Variants in SMARCA2 observed in about 807,000 individuals in gnomAD.
SMARCA2 encodes SWI/SNF-related matrix-associated actin-dependent regulator of chromatin subfamily A member 2.
Under a neutral mutation model 199.8 loss-of-function variants are expected in SMARCA2, and 61 were observed. The ratio of observed to expected loss-of-function variants is 0.31; its 90% CI spans 0.25 to 0.38. The LOEUF (loss-of-function observed/expected upper bound fraction) is 0.38. SMARCA2 is among the 10% of genes least tolerant of loss of function. The probability of loss-of-function intolerance (pLI) is 1.00; values close to 1 mark genes in which losing one functional copy is unlikely to be tolerated. For synonymous variants in SMARCA2, 935 were observed against 732.0 expected, an observed-to-expected ratio of 1.28 and a Z score of -4.48; for missense variants, 1,344 against 2,012.2, an observed-to-expected ratio of 0.67 and a Z score of 6.35.
rs80164786 is a variant in SMARCA2, at chr9:2,132,207, A to G, written c.3981+8270A>G. ...TAAAGAACAAGACATTTGAAATTCT[A>G]TGGAAATACACAATGATAAATAAAA... On this transcript the variant is annotated intron_variant, in intron 27 of 33. Transcript: ENST00000349721. 2.6e-3 allele frequency among the ~76,000 whole-genome samples: 393 copies of G among 152,332 alleles called. 9 individuals carry two copies. In the East Asian group the frequency reaches 0.063, roughly 24 times the overall value.
intron 33 of SMARCA2, 90 bp downstream of exon 33, chr9:2,191,498 C>G (rs982003386): frequency 7.3e-7 from 1 of 1,374,018 alleles, no homozygotes; most frequent in African/African-American, 1.4e-5. Flanking sequence ...AGCCTTTTCG[C>G]TTTATTACCC....
chr9:2,027,502 C>T (rs1316948739), intron 1 of SMARCA2, among the ~76,000 whole-genome samples: 3 of 152,014 alleles, frequency 2.0e-5, no homozygotes, highest in Non-Finnish European at 4.4e-5. Flanking sequence ...ATAGTTGGCC[C>T]TTGAAATTTA....
At chr9:2,071,249 A>AG (rs1821074207) in intron 10 of SMARCA2, among the ~76,000 whole-genome samples, 1 of 152,228 alleles carries the variant, frequency 6.6e-6, no homozygotes, top group Non-Finnish European at 1.5e-5. Flanking sequence ...GTGGAGATGC[A>AG]GAAAAAAAAG....
At chr9:2,090,333 G>T (rs1821998181) in intron 19 of SMARCA2, among the ~76,000 whole-genome samples, 1 of 152,032 alleles carries the variant, frequency 6.6e-6, no homozygotes, top group South Asian at 2.1e-4. Flanking sequence ...CTCAGTGTGT[G>T]GTATTATCTA....
chr9:2,061,149 G>A, intron 9 of SMARCA2, 163 bp downstream of exon 9: 2 of 633,440 alleles, frequency 3.2e-6, no homozygotes, highest in South Asian at 2.0e-5. Flanking sequence ...GTGTTGATTA[G>A]GTACACTAGA....
intron 9 of SMARCA2, among the ~76,000 whole-genome samples, chr9:2,064,924 C>G (rs1373584869): frequency 6.6e-6 from 1 of 152,244 alleles, no homozygotes; most frequent in Non-Finnish European, 1.5e-5. Flanking sequence ...GCGGCTCACG[C>G]CTGTAATCCC....
At chr9:2,148,826 G>T (rs1035753609) in intron 27 of SMARCA2, among the ~76,000 whole-genome samples, 4 of 151,262 alleles carry the variant, frequency 2.6e-5, no homozygotes, top group Non-Finnish European at 4.4e-5. Flanking sequence ...TATAGATCTT[G>T]CCATTGCCCA....
rs1414940091 is a variant in SMARCA2, at chr9:2,029,237, A to C, written c.215A>C (p.Gln72Pro). ...STDFPQEGMH[Q>P]MHKPIDGIHD... ...GACTTCCCACAGGAAGGCATGCATC[A>C]AATGCATAAGGTAAGAGTTTGTTCT... The change falls in exon 2 of 34, where the codon CAA becomes CCA. Residue 72 changes from glutamine to proline, a missense_variant. This residue lies in a region of SMARCA2 where 275 missense variants were observed against 247.5 expected (regional missense o/e 1.11). Coordinates refer to ENST00000349721, the MANE Select transcript of SMARCA2 (RefSeq NM_003070.5). The C allele has an allele frequency of 1.9e-6, 3 of 1,610,862 alleles. No homozygotes were observed. The highest frequency in any genetic ancestry group is 1.7e-6 in the Non-Finnish European group (2 of 1,178,330).
intron 27 of SMARCA2, among the ~76,000 whole-genome samples, chr9:2,142,773 T>C (rs1248610724): frequency 1.3e-5 from 2 of 152,186 alleles, no homozygotes; most frequent in East Asian, 3.9e-4. Context: ...TTTTATTCAC[T>C]GTGTAGTTGT....
chr9:2,054,531 A>C (rs1431679724), intron 5 of SMARCA2, 66 bp from the exon 6 acceptor site: 3 of 1,565,132 alleles, frequency 1.9e-6, no homozygotes, highest in Admixed American at 1.8e-5. Context: ...ATTGTTTATC[A>C]TTTAAGATTA....
intron 27 of SMARCA2, among the ~76,000 whole-genome samples, chr9:2,136,804 T>C (rs1464980644): frequency 6.6e-6 from 1 of 152,118 alleles, no homozygotes; most frequent in Non-Finnish European, 1.5e-5. Flanking sequence ...AAATAAACCA[T>C]GAGATGCTCT....
intron 3 of SMARCA2, among the ~76,000 whole-genome samples, chr9:2,038,680 C>T (rs1819440591): frequency 6.6e-6 from 1 of 152,168 alleles, no homozygotes; most frequent in Non-Finnish European, 1.5e-5. Context: ...CCTTTACTGG[C>T]TGCCTTCCCT....
At chr9:2,117,523 A>G (rs917393033) in intron 25 of SMARCA2, among the ~76,000 whole-genome samples, 2 of 152,232 alleles carry the variant, frequency 1.3e-5, no homozygotes, top group Admixed American at 6.5e-5. Context: ...CAAAAAAACA[A>G]TATGGCGAAT....
At chr9:2,107,326 A>T (rs10964784) in intron 23 of SMARCA2, among the ~76,000 whole-genome samples, 19,909 of 151,976 alleles carry the variant, frequency 0.13, 1,536 homozygotes, top group African/African-American at 0.21. Context: ...TATTTAATTT[A>T]ATTTTATTTT....
chr9:2,159,050 G>A, intron 27 of SMARCA2: 1 of 1,564,150 alleles, frequency 6.4e-7, no homozygotes. Flanking sequence ...ATTAGCAGTT[G>A]TAATAAAAAT....
rs776510717 is a variant in SMARCA2 at position 2,082,007 on chromosome 9, C to T, written c.2348+12C>T. ...ATTGTTCCCCTTTCGTAAGTAAAGTCATTTATTCCACAGTCATCGTTCTGT... is the reference window on the plus strand; with the variant it reads ...ATTGTTCCCCTTTCGTAAGTAAAGTTATTTATTCCACAGTCATCGTTCTGT... On this transcript the variant is annotated intron_variant, in intron 15 of 33. Coordinates refer to ENST00000349721, the MANE Select transcript of SMARCA2 (RefSeq NM_003070.5). 1.2e-6 allele frequency: 2 copies of T among 1,609,266 alleles called. No homozygotes were observed. Among genetic ancestry groups the T allele is most frequent in the African/African-American group, 1.3e-5 (1 of 74,792 alleles).
intron 4 of SMARCA2, chr9:2,045,468 C>T (rs1819796058): frequency 6.6e-6 from 1 of 151,908 alleles, no homozygotes; most frequent in Non-Finnish European, 1.5e-5. Flanking sequence ...CTAAAACTTC[C>T]CCTGATAACT....
chr9:2,068,096 C>G (rs1044920664), intron 9 of SMARCA2, among the ~76,000 whole-genome samples: 1 of 152,118 alleles, frequency 6.6e-6, no homozygotes, highest in African/African-American at 2.4e-5. Flanking sequence ...TGACTTTCCC[C>G]CATTAATTAA....
At chr9:2,084,717 A>C (rs7031009) in intron 17 of SMARCA2, among the ~76,000 whole-genome samples, 10,348 of 152,056 alleles carry the variant, frequency 0.068, 1,145 homozygotes, top group African/African-American at 0.24. Flanking sequence ...TCCTGGTGAA[A>C]TAATAGACTA....
Sources: gnomAD v4.1 joint callset for allele counts (sites outside exome capture counted in the v4.1 genomes callset) on GRCh38, gnomAD v4.1.1 for gene constraint, gnomAD v4.1.1 regional missense constraint, MANE v1.5 for transcripts, NCBI Gene and HGNC (gene_info 2026-07-23, HGNC 2026-07-21) for gene names.